Variants in RIC8A observed in about 807,000 individuals in gnomAD.
The protein encoded by RIC8A is chaperone Ric-8A.
Under a neutral mutation model 48.4 loss-of-function variants are expected in RIC8A, and 37 were observed. The observed-to-expected ratio is 0.77, with a 90% CI of 0.59 to 1.01. The LOEUF is 1.01. RIC8A is among the 50% of genes least tolerant of loss of function. The pLI is 0.00. For synonymous variants in RIC8A, 288 were observed against 283.4 expected (o/e 1.02, Z -0.16); for missense variants, 681 against 696.8 (o/e 0.98, Z 0.25).
At position 209,257 on chromosome 11, in the gene RIC8A, A is replaced by T. The variant is rs766864079; in HGVS notation, c.85-14A>T. The stretch of plus-strand genomic sequence containing the variant: ...ACCCCTCTGTGGATTTGAATTCACT[A>T]GTTCTCTCTGCAGCACTCCCAGAGC... On this transcript the variant is annotated splice_polypyrimidine_tract_variant and intron_variant, in intron 1 of 9. Transcript: ENST00000526104. 3 of 1,614,052 alleles carry T rather than the reference A, an allele frequency of 1.9e-6. No individual in the cohort carries two copies. The South Asian group carries it at 3.3e-5, about 18-fold the overall frequency.
rs1252483103 is a variant in RIC8A at position 214,242 on chromosome 11, C to G, written c.1488C>G (p.Ile496Met). The G allele has an allele frequency of 1.2e-6, 2 of 1,613,800 alleles. No individual in the cohort carries two copies. Among genetic ancestry groups the G allele is most frequent in the Admixed American group, 3.3e-5 (2 of 59,980 alleles). The stretch of plus-strand genomic sequence containing the variant: ...CTTTCCCCAACAGGAACAGAGTCAT[C>G]CAGCCAATGGGGATGAGTCCCCGGG... ...MFDKLSRNRVIQPMGMSPRGH... is the reference protein window; with the variant it reads ...MFDKLSRNRVMQPMGMSPRGH... The change falls in exon 10 of 10, where the codon ATC becomes ATG. Residue 496 changes from isoleucine to methionine, a missense_variant. Transcript: ENST00000526104.
chr11:209,900 C>A lies in RIC8A; in HGVS notation c.626C>A (p.Pro209Gln). 9.3e-6 allele frequency: 15 copies of A among 1,608,990 alleles called. No individual in the cohort carries two copies. Among genetic ancestry groups the A allele is most frequent in the Non-Finnish European group, 1.3e-5 (15 of 1,179,876 alleles). ...TLGVTPEGNP[P>Q]PTLLPSQETE... Reference sequence around the variant, plus strand: ...GGGGTGACTCCTGAAGGGAACCCCCCACCCACGCTCCTTCCTTCCCAAGAG... The same window carrying A: ...GGGGTGACTCCTGAAGGGAACCCCCAACCCACGCTCCTTCCTTCCCAAGAG... Residue 209 changes from proline to glutamine, a missense_variant, in exon 3 of 10, where the codon CCA becomes CAA. By Grantham distance (76) the Pro-to-Gln change is moderately conservative. Transcript: ENST00000526104.
Position 211,466 on chromosome 11 carries a change from T to A in RIC8A, c.969+117T>A, listed in dbSNP as rs1002302168. 1 of 1,160,578 alleles carries A rather than the reference T, an allele frequency of 8.6e-7. No individual in the cohort carries two copies. The highest frequency in any genetic ancestry group is 2.5e-5 in the East Asian group (1 of 39,962). 71.9% of individuals were successfully genotyped at this position (1,160,578 alleles called of 1,614,324 possible). On this transcript the variant is annotated intron_variant, in intron 5 of 9. Transcript: ENST00000526104. This position sits in a 1 kb window ranked among gnomAD's most constrained non-coding sequence, Gnocchi z 4.0. ...TGGTACGTGGAGATTGTCTTGGTGG[T>A]GTGATATGGGCGACTCTTCCGGTTG...
chr11:214,980 C>T lies in RIC8A; in HGVS notation c.*630C>T, dbSNP rs1855508608. 1 of 170,386 alleles carries T rather than the reference C, an allele frequency of 5.9e-6. No homozygotes were observed. Among genetic ancestry groups the T allele is most frequent in the Non-Finnish European group, 1.3e-5 (1 of 77,460 alleles). 10.6% of individuals were successfully genotyped at this position (170,386 alleles called of 1,614,324 possible). ...CTCGCTGGTTTTGGCAATTAAACCT[C>T]CTTCCTACTGGTTTAGACTACACTT... On this transcript the variant is annotated 3_prime_UTR_variant, in exon 10 of 10. Transcript: ENST00000526104.
At chr11:213,677 G>A in intron 9 of RIC8A, 1 of 370,408 alleles carries the variant, frequency 2.7e-6, no homozygotes. Flanking sequence ...GGGCGTGGTA[G>A]CTCACGCCTA....
chr11:212,265 T>C (rs1855379307), intron 5 of RIC8A, 151 bp from the exon 6 acceptor site: 2 of 707,862 alleles, frequency 2.8e-6, no homozygotes, highest in South Asian at 1.8e-5. Context: ...GGCCTTCTGC[T>C]GACTAACTGC....
chr11:209,847 G>C lies in RIC8A; in HGVS notation c.573G>C (p.Leu191=). 1 of 1,613,634 alleles carries C rather than the reference G, an allele frequency of 6.2e-7. No individual in the cohort carries two copies. The highest frequency in any genetic ancestry group is 8.5e-7 in the Non-Finnish European group (1 of 1,180,046). ...QLFQELKGVR[L]LTDTLELTLG... ...TTCAGGAGCTGAAAGGAGTGCGCCTGCTAACTGACACACTGGAGCTGACGC... is the reference window on the plus strand; with the variant it reads ...TTCAGGAGCTGAAAGGAGTGCGCCTCCTAACTGACACACTGGAGCTGACGC... The change falls in exon 3 of 10, where the codon CTG becomes CTC. Residue 191 remains leucine (L), a synonymous_variant. Transcript: ENST00000526104.
chr11:214,191 G>A lies in RIC8A; in HGVS notation c.1476-39G>A, dbSNP rs1437710838. 1.9e-6 allele frequency: 3 copies of A among 1,603,050 alleles called. No individual in the cohort carries two copies. In the Middle Eastern group the frequency reaches 5.0e-4, roughly 266 times the overall value. On this transcript the variant is annotated intron_variant, in intron 9 of 9. Coordinates refer to ENST00000526104, the MANE Select transcript of RIC8A (RefSeq NM_001286134.2). Reference sequence around the variant, plus strand: ...GAGTAGGACCCCTGCCTGGCCAACTGGGCCCCTTCCCCAGCCCCACTGCAC... The same window carrying A: ...GAGTAGGACCCCTGCCTGGCCAACTAGGCCCCTTCCCCAGCCCCACTGCAC...
chr11:209,176 G>T, intron 1 of RIC8A, 95 bp from the exon 2 acceptor site: 1 of 1,445,236 alleles, frequency 6.9e-7, no homozygotes, highest in South Asian at 1.1e-5. Context: ...TCTGAGCAGT[G>T]GCTGCTGCCT....
At position 208,975 on chromosome 11, in the gene RIC8A, G is replaced by C; in HGVS notation, c.84+37G>C. ...CCTGAGGCCGGGGGGCGGGCACGGA[G>C]GGGGTGGGGCAGGGTCGTGCGCGGG... On this transcript the variant is annotated intron_variant, in intron 1 of 9. Transcript: ENST00000526104. This position sits in a 1 kb window ranked among gnomAD's most constrained non-coding sequence, Gnocchi z 4.8. The C allele has an allele frequency of 6.7e-7, 1 of 1,489,654 alleles. No homozygotes were observed. Among genetic ancestry groups the C allele is most frequent in the Non-Finnish European group, 9.2e-7 (1 of 1,086,672 alleles). 92.3% of individuals were successfully genotyped at this position (1,489,654 alleles called of 1,614,324 possible). A position where few individuals can be genotyped will look rare whatever the true frequency, so the allele number is the denominator to read the frequency against.
chr11:208,677 G>A lies in RIC8A; in HGVS notation c.-178G>A. The A allele has an allele frequency of 2.0e-6, 1 of 511,532 alleles. No individual in the cohort carries two copies. Among genetic ancestry groups the A allele is most frequent in the Non-Finnish European group, 3.4e-6 (1 of 294,940 alleles). 31.7% of individuals were successfully genotyped at this position (511,532 alleles called of 1,614,324 possible). A position where few individuals can be genotyped will look rare whatever the true frequency, so the allele number is the denominator to read the frequency against. ...CCTCCGAGCCGCCAGTTCTGCCTCA[G>A]GCCGCGCCCCCTTAAAGCGCCACCA... On this transcript the variant is annotated 5_prime_UTR_variant, in exon 1 of 10. Coordinates refer to ENST00000526104, the MANE Select transcript of RIC8A (RefSeq NM_001286134.2). The surrounding 1 kb of genome is among the most constrained non-coding windows in gnomAD (Gnocchi z 4.8).
At chr11:210,290 GAC>G in intron 3 of RIC8A, 1 of 689,356 alleles carries the variant, frequency 1.5e-6, no homozygotes, top group South Asian at 1.5e-5. Context: ...GTGGGGCTGA[GAC>G]AGAGTGTGAC....
chr11:214,326 G>C lies in RIC8A; in HGVS notation c.1572G>C (p.Ser524=), dbSNP rs144729121. 9 of 1,607,664 alleles carry C rather than the reference G, an allele frequency of 5.6e-6. No homozygotes were observed. The highest frequency in any genetic ancestry group is 7.6e-6 in the Non-Finnish European group (9 of 1,176,986). ...MCETMEQQLS[S]DPDSDPD is the part of the protein sequence containing the mutation. Reference sequence around the variant, plus strand: ...AGACTATGGAGCAGCAGCTCTCCTCGGACCCTGACTCGGACCCTGACTGAG... The same window carrying C: ...AGACTATGGAGCAGCAGCTCTCCTCCGACCCTGACTCGGACCCTGACTGAG... Residue 524 remains serine (S), a synonymous_variant, in exon 10 of 10, where the codon TCG becomes TCC. Transcript: ENST00000526104.
At position 213,012 on chromosome 11, in the gene RIC8A, C is replaced by T. The variant is rs779208651; in HGVS notation, c.1355+31C>T. 9 of 1,527,702 alleles carry T rather than the reference C, an allele frequency of 5.9e-6. No homozygotes were observed. The South Asian group carries it at 1.2e-4, about 20-fold the overall frequency. 94.6% of individuals were successfully genotyped at this position (1,527,702 alleles called of 1,614,324 possible). A position where few individuals can be genotyped will look rare whatever the true frequency, so the allele number is the denominator to read the frequency against. On this transcript the variant is annotated intron_variant, in intron 8 of 9. Transcript: ENST00000526104. ...TACCCCCAACACACCCTCGGGTCTC[C>T]ACTCACAGCCCCATAGTCCCTGCTT...
chr11:210,757 A>T, intron 4 of RIC8A, 95 bp downstream of exon 4: 1 of 1,129,012 alleles, frequency 8.9e-7, no homozygotes, highest in East Asian at 2.4e-5. Flanking sequence ...CTGAGAGCCC[A>T]GGCCCCACCC....
chr11:210,052 C>A (rs1855312072), intron 3 of RIC8A, 52 bp downstream of exon 3: 4 of 1,441,032 alleles, frequency 2.8e-6, no homozygotes, highest in Non-Finnish European at 2.8e-6. Context: ...TCCAACATTT[C>A]CTGGACCTGC....
Position 211,018 on chromosome 11 carries a change from A to C in RIC8A, c.819-181A>C. The C allele has an allele frequency of 1.5e-6, 1 of 655,966 alleles. No homozygotes were observed. Among genetic ancestry groups the C allele is most frequent in the Non-Finnish European group, 2.6e-6 (1 of 382,306 alleles). The allele number at this position is 655,966 out of a possible 1,614,324, so 40.6% of individuals were successfully genotyped here. A position where few individuals can be genotyped will look rare whatever the true frequency, so the allele number is the denominator to read the frequency against. On this transcript the variant is annotated intron_variant, in intron 4 of 9. Transcript: ENST00000526104. This position sits in a 1 kb window ranked among gnomAD's most constrained non-coding sequence, Gnocchi z 4.0. ...TGCCCCCACTTCCCCAGGGGACCCCACTGTACAGCTGAGTGGCAGTGCCTC... is the reference window on the plus strand; with the variant it reads ...TGCCCCCACTTCCCCAGGGGACCCCCCTGTACAGCTGAGTGGCAGTGCCTC...
At chr11:210,977 A>C in intron 4 of RIC8A, 1 of 611,284 alleles carries the variant, frequency 1.6e-6, no homozygotes, top group South Asian at 2.0e-5. Context: ...AGGGTCGGGG[A>C]GGCAGTGTGT....
intron 9 of RIC8A, chr11:213,698 A>C (rs752094802): frequency 6.5e-6 from 2 of 307,706 alleles, no homozygotes; most frequent in Non-Finnish European, 1.2e-5. Flanking sequence ...TAATCCCAGC[A>C]CTTTGGGAGA....
Sources: gnomAD v4.1 joint callset for allele counts on GRCh38, gnomAD v4.1.1 for gene constraint, Gnocchi (gnomAD v3.1) non-coding constraint, MANE v1.5 for transcripts, NCBI Gene and HGNC (gene_info 2026-07-23, HGNC 2026-07-21) for gene names.